Variants in VIM observed in about 807,000 individuals in gnomAD.
The protein encoded by VIM is epididymis secretory sperm binding protein.
In VIM, 18 loss-of-function variants were observed where a neutral mutation model predicts 50.3. That is an observed-to-expected ratio of 0.36 (90% CI 0.25 to 0.53). VIM has a LOEUF of 0.53. Ranked by LOEUF, VIM falls within the 20% of genes least tolerant of loss-of-function variation. The pLI is 0.91. For missense variants in VIM, 551 were observed against 614.7 expected, an observed-to-expected ratio of 0.90 and a Z score of 1.10; for synonymous variants, 245 against 248.5, an observed-to-expected ratio of 0.99 and a Z score of 0.13.
chr10:17,236,723 C>T (rs1208739101), intron 9 of VIM, among the ~76,000 whole-genome samples: 2 of 152,144 alleles, frequency 1.3e-5, no homozygotes. Flanking sequence ...ATGTTTTGAT[C>T]CTGGACATAT....
intron 3 of VIM, 129 bp downstream of exon 3, chr10:17,230,839 T>C: frequency 1.0e-6 from 1 of 993,654 alleles, no homozygotes; most frequent in Non-Finnish European, 1.6e-6. Flanking sequence ...AGCCCTCTAG[T>C]GGCGGGAAGA....
At chr10:17,236,582 T>C (rs914824441) in intron 9 of VIM, among the ~76,000 whole-genome samples, 1 of 152,242 alleles carries the variant, frequency 6.6e-6, no homozygotes, top group Non-Finnish European at 1.5e-5. Context: ...GAAGTTGAGA[T>C]AGCAGTCTTC....
At chr10:17,236,037 C>A (rs961305889) in intron 8 of VIM, 148 bp downstream of exon 8, 3 of 861,340 alleles carry the variant, frequency 3.5e-6, no homozygotes, top group Non-Finnish European at 5.6e-6. Flanking sequence ...AACCCAAGTA[C>A]ACTCTTGCAT....
At position 17,237,250 on chromosome 10, in the gene VIM, G is replaced by C; in HGVS notation, c.1380G>C (p.Gln460His). 1 of 1,605,802 alleles carries C rather than the reference G, an allele frequency of 6.2e-7. No individual in the cohort carries two copies. Among genetic ancestry groups the C allele is most frequent in the Non-Finnish European group, 8.5e-7 (1 of 1,175,258 alleles). ...RDGQVINETSQHHDDLE is the reference protein window; with the variant it reads ...RDGQVINETSHHHDDLE ...AACAGGTTATCAACGAAACTTCTCA[G>C]CATCACGATGACCTTGAATAAAAAT... Residue 460 changes from glutamine (Q) to histidine (H), a missense_variant, in exon 10 of 10, where the codon CAG becomes CAC. Gln to His is a conservative substitution (Grantham distance 24, BLOSUM62 0). Transcript: ENST00000544301.
Position 17,237,281 on chromosome 10 carries a change from ACACT to A in VIM, c.*13_*16del. 4 of 1,605,396 alleles carry A rather than the reference ACACT, an allele frequency of 2.5e-6. No individual in the cohort carries two copies. Among genetic ancestry groups the A allele is most frequent in the Non-Finnish European group, 2.6e-6 (3 of 1,174,540 alleles). ...CGATGACCTTGAATAAAAATTGCAC[ACACT>A]CAGTGCAGCAATATATTACCAGCAA... On this transcript the variant is annotated 3_prime_UTR_variant, in exon 10 of 10. Transcript: ENST00000544301.
intron 2 of VIM, 109 bp downstream of exon 2, chr10:17,230,094 G>GC: frequency 2.2e-6 from 3 of 1,347,390 alleles, no homozygotes; most frequent in Non-Finnish European, 3.0e-6. Flanking sequence ...GATGTGGCCG[G>GC]GGGGAGGCCT....
In VIM at chr10:17,229,820, C is replaced by G; in HGVS notation, c.398C>G (p.Ala133Gly). Reference protein sequence around the residue: ...FLEQQNKILLAELEQLKGQGK... With the variant: ...FLEQQNKILLGELEQLKGQGK... ...GAGCAGCAGAATAAGATCCTGCTGG[C>G]CGAGCTCGAGCAGCTCAAGGGCCAA... The change falls in exon 2 of 10, where the codon GCC becomes GGC. Residue 133 changes from alanine to glycine, a missense_variant. Ala to Gly is a moderately conservative substitution (Grantham distance 60, BLOSUM62 0). This residue lies in a region of VIM where 394 missense variants were observed against 437.5 expected (regional missense o/e 0.90). Transcript: ENST00000544301. 6.2e-7 allele frequency: 1 copy of G among 1,600,940 alleles called. No individual in the cohort carries two copies. The highest frequency in any genetic ancestry group is 8.5e-7 in the Non-Finnish European group (1 of 1,174,048).
intron 3 of VIM, 30 bp downstream of exon 3, chr10:17,230,740 G>A (rs768683867): frequency 1.2e-6 from 2 of 1,613,484 alleles, no homozygotes; most frequent in Non-Finnish European, 1.7e-6. Context: ...ACTCGCAGCC[G>A]CCTGACCCCA....
rs773471865 is a variant in VIM at position 17,229,468 on chromosome 10, G to A, written c.46G>A (p.Gly16Ser). ...CTCGTCCTCCTACCGCAGGATGTTC[G>A]GCGGCCCGGGCACCGCGAGCCGGCC... ...VSSSSYRRMF[G>S]GPGTASRPSS... Residue 16 changes from glycine to serine, a missense_variant, in exon 2 of 10, where the codon GGC (glycine) becomes AGC (serine). Gly to Ser is a moderately conservative substitution (Grantham distance 56, BLOSUM62 0). Around this residue, in one of 3 missense-constraint regions of VIM, gnomAD observed 134 missense variants for 126.4 expected, o/e 1.06. Transcript: ENST00000544301. 9 of 1,606,580 alleles carry A rather than the reference G, an allele frequency of 5.6e-6. No individual in the cohort carries two copies. The highest frequency in any genetic ancestry group is 5.9e-6 in the Non-Finnish European group (7 of 1,179,046).
intron 5 of VIM, 88 bp from the exon 6 acceptor site, chr10:17,234,605 C>T (rs1846854113): frequency 1.3e-6 from 2 of 1,580,990 alleles, no homozygotes; most frequent in Non-Finnish European, 1.7e-6. Context: ...TACTGGAAGA[C>T]ATTCAGTGAG....
chr10:17,234,100 CTTTATTTA>C, intron 5 of VIM, 169 bp downstream of exon 5: 1 of 715,330 alleles, frequency 1.4e-6, no homozygotes, highest in Non-Finnish European at 2.3e-6. Flanking sequence ...ACATCACCTC[CTTTATTTA>C]TTTATTTATT....
At position 17,229,866 on chromosome 10, in the gene VIM, C is replaced by T. The variant is rs1243129674; in HGVS notation, c.444C>T (p.Asp148=). The T allele has an allele frequency of 2.5e-6, 4 of 1,609,360 alleles. No individual in the cohort carries two copies. Among genetic ancestry groups the T allele is most frequent in the Non-Finnish European group, 3.4e-6 (4 of 1,178,226 alleles). The stretch of plus-strand genomic sequence containing the variant: ...GCCAAGGCAAGTCGCGCCTGGGGGA[C>T]CTCTACGAGGAGGAGATGCGGGAGC... The part of the protein sequence containing the change: ...LKGQGKSRLG[D]LYEEEMRELR... The change falls in exon 2 of 10, where the codon GAC becomes GAT. Residue 148 remains aspartate (D), a synonymous_variant. Transcript: ENST00000544301.
intron 2 of VIM, 72 bp downstream of exon 2, chr10:17,230,057 C>A: frequency 6.7e-7 from 1 of 1,501,500 alleles, no homozygotes; most frequent in Non-Finnish European, 8.9e-7. Flanking sequence ...CCCCCCCGGC[C>A]CCCGCGAGAG....
rs1588734910 is a variant in VIM, at chr10:17,233,913, A to G, written c.864A>G (p.Glu288=). 3 of 1,613,908 alleles carry G rather than the reference A, an allele frequency of 1.9e-6. No homozygotes were observed. The highest frequency in any genetic ancestry group is 2.5e-6 in the Non-Finnish European group (3 of 1,179,870). Residue 288 remains glutamate (E), a synonymous_variant, in exon 5 of 10, where the codon GAA becomes GAG. Coordinates refer to ENST00000544301, the MANE Select transcript of VIM (RefSeq NM_003380.5). ...SVAAKNLQEA[E]EWYKSKFADL... is the part of the protein sequence containing the mutation. ...CTGCCAAGAACCTGCAGGAGGCAGA[A>G]GAATGGTACAAATCCAAGGTAGGAA...
Position 17,234,834 on chromosome 10 carries a change from G to A in VIM, c.1008+16G>A. ...TAAAGGAACCGTGAGTACCAACCCTGCAGTAAAAGAGGGAAAATAATGACC... is the reference window on the plus strand; with the variant it reads ...TAAAGGAACCGTGAGTACCAACCCTACAGTAAAAGAGGGAAAATAATGACC... On this transcript the variant is annotated intron_variant, in intron 6 of 9. Coordinates refer to ENST00000544301, the MANE Select transcript of VIM (RefSeq NM_003380.5). The A allele has an allele frequency of 6.2e-7, 1 of 1,613,996 alleles. No homozygotes were observed. Among genetic ancestry groups the A allele is most frequent in the Non-Finnish European group, 8.5e-7 (1 of 1,179,990 alleles).
chr10:17,236,481 G>C, intron 9 of VIM, 102 bp downstream of exon 9: 1 of 1,017,202 alleles, frequency 9.8e-7, no homozygotes, highest in East Asian at 2.4e-5. Flanking sequence ...TAATTTGAGA[G>C]GTTCAGGTTT....
Position 17,230,635 on chromosome 10 carries a change from G to A in VIM, c.564-15G>A. Reference sequence around the variant, plus strand: ...GTTTCCTCGTTCCCCTTTGGTTAATGCGCAACTGTTTCAGATTGCAGGAGG... The same window carrying A: ...GTTTCCTCGTTCCCCTTTGGTTAATACGCAACTGTTTCAGATTGCAGGAGG... On this transcript the variant is annotated splice_polypyrimidine_tract_variant and intron_variant, in intron 2 of 9. Transcript: ENST00000544301. 1 of 1,613,972 alleles carries A rather than the reference G, an allele frequency of 6.2e-7. No homozygotes were observed.
chr10:17,229,468 G>C lies in VIM; in HGVS notation c.46G>C (p.Gly16Arg), dbSNP rs773471865. ...VSSSSYRRMF[G>R]GPGTASRPSS... ...CTCGTCCTCCTACCGCAGGATGTTCGGCGGCCCGGGCACCGCGAGCCGGCC... is the reference window on the plus strand; with the variant it reads ...CTCGTCCTCCTACCGCAGGATGTTCCGCGGCCCGGGCACCGCGAGCCGGCC... The change falls in exon 2 of 10, where the codon GGC (glycine) becomes CGC (arginine). Residue 16 changes from glycine to arginine, a missense_variant. Transcript: ENST00000544301. The C allele has an allele frequency of 6.2e-7, 1 of 1,606,580 alleles. No homozygotes were observed. The highest frequency in any genetic ancestry group is 8.5e-7 in the Non-Finnish European group (1 of 1,179,046).
chr10:17,232,661 A>T (rs1846817404), intron 3 of VIM, among the ~76,000 whole-genome samples: 1 of 152,230 alleles, frequency 6.6e-6, no homozygotes. Flanking sequence ...AATCTTTGGC[A>T]TGCATATCCT....
Sources: gnomAD v4.1 joint callset for allele counts (sites outside exome capture counted in the v4.1 genomes callset) on GRCh38, gnomAD v4.1.1 for gene constraint, gnomAD v4.1.1 regional missense constraint, MANE v1.5 for transcripts, NCBI Gene and HGNC (gene_info 2026-07-23, HGNC 2026-07-21) for gene names.